The following FBXL13 variants were observed in gnomAD, a reference collection of about 807,000 sequenced individuals.
FBXL13 encodes F-box and leucine rich repeat protein 13, also known as F-box and leucine-rich repeat protein 13.
Under a neutral mutation model 83.6 loss-of-function variants are expected in FBXL13, and 67 were observed. The observed-to-expected ratio is 0.80, with a 90% CI of 0.66 to 0.98. The LOEUF is 0.98. FBXL13 is among the 50% of genes least tolerant of loss of function. The pLI, the probability that FBXL13 is intolerant of heterozygous loss-of-function variation, is 0.00. For synonymous variants in FBXL13, 272 were observed against 299.5 expected (o/e 0.91, Z 0.95); for missense variants, 822 against 866.5 (o/e 0.95, Z 0.64).
intron 6 of FBXL13, among the ~76,000 whole-genome samples, chr7:103,002,766 T>C (rs1790538068): frequency 6.6e-6 from 1 of 152,242 alleles, no homozygotes; most frequent in Non-Finnish European, 1.5e-5. Context: ...CACTGTTTGC[T>C]GTTTCCAGAC....
At chr7:103,074,621 G>A (rs997236134), upstream of FBXL13, 4 of 1,257,810 alleles carry the variant, frequency 3.2e-6, no homozygotes, top group Admixed American at 9.3e-5. Flanking sequence ...CCCTCCTCCG[G>A]GAAGTCTTTC....
intron 2 of FBXL13, among the ~76,000 whole-genome samples, chr7:103,035,390 A>G (rs1794972268): frequency 6.6e-6 from 1 of 152,244 alleles, no homozygotes; most frequent in African/African-American, 2.4e-5. Context: ...AGAGGCAGTG[A>G]AATCTGGGAT....
chr7:102,991,017 A>T (rs1829505483), intron 6 of FBXL13, among the ~76,000 whole-genome samples: 1 of 152,224 alleles, frequency 6.6e-6, no homozygotes, highest in African/African-American at 2.4e-5. Context: ...TGGTGGACAA[A>T]TGAAAAATAA....
chr7:102,890,503 C>A (rs191850904), intron 11 of FBXL13, among the ~76,000 whole-genome samples: 1 of 152,324 alleles, frequency 6.6e-6, no homozygotes, highest in African/African-American at 2.4e-5. Flanking sequence ...GGCAGAAAAG[C>A]TTTGGTGATC....
intron 16 of FBXL13, among the ~76,000 whole-genome samples, chr7:102,855,664 C>G (rs554419234): frequency 4.6e-4 from 69 of 151,458 alleles, no homozygotes; most frequent in African/African-American, 1.6e-3. Flanking sequence ...CACCCCTCAC[C>G]TGCCGCCATT....
At chr7:102,994,497 T>C (rs773251448) in intron 6 of FBXL13, among the ~76,000 whole-genome samples, 2 of 152,076 alleles carry the variant, frequency 1.3e-5, no homozygotes, top group Non-Finnish European at 2.9e-5. Flanking sequence ...CCCTCAGTTT[T>C]GTAGTTGTCT....
intron 6 of FBXL13, among the ~76,000 whole-genome samples, chr7:103,007,327 G>T (rs1337068097): frequency 6.6e-6 from 1 of 150,950 alleles, no homozygotes; most frequent in East Asian, 1.9e-4. Flanking sequence ...GATAAAGAGA[G>T]AAATCTTAAA....
chr7:103,073,307 T>C (rs1315168333), intron 1 of FBXL13, among the ~76,000 whole-genome samples: 3 of 152,172 alleles, frequency 2.0e-5, no homozygotes, highest in African/African-American at 4.8e-5. Context: ...ACTTGCACTT[T>C]TTCTTTTTTA....
chr7:102,903,947 T>TTATTTA (rs1813350020), intron 11 of FBXL13, among the ~76,000 whole-genome samples: 1 of 142,924 alleles, frequency 7.0e-6, no homozygotes. Flanking sequence ...TTCTTTTTTT[T>TTATTTA]TTTTTTTTTT....
At chr7:102,929,298 A>G (rs535936960) in intron 9 of FBXL13, among the ~76,000 whole-genome samples, 1 of 152,208 alleles carries the variant, frequency 6.6e-6, no homozygotes, top group African/African-American at 2.4e-5. Flanking sequence ...ATATGTAAAC[A>G]TAAGTGTAAT....
chr7:103,038,775 A>G (rs1795348820), intron 2 of FBXL13, among the ~76,000 whole-genome samples: 1 of 152,232 alleles, frequency 6.6e-6, no homozygotes, highest in Non-Finnish European at 1.5e-5. Flanking sequence ...TATCATGAAC[A>G]TCAACAAAAA....
chr7:102,924,802 G>A (rs532232507), intron 10 of FBXL13, among the ~76,000 whole-genome samples: 4 of 151,686 alleles, frequency 2.6e-5, no homozygotes, highest in South Asian at 4.2e-4. Context: ...CACCGCACCC[G>A]GCTAATTTTT....
At position 102,863,729 on chromosome 7, in the gene FBXL13, A is replaced by G. The variant is rs987603264; in HGVS notation, c.1636-8869T>C. ...TAGTTTAGAGAGATGTGCTAGTACT[A>G]GTATTAAACATGTCCAAAATGGAAT... On this transcript the variant is annotated intron_variant, in intron 16 of 19. Transcript: ENST00000313221. Among the ~76,000 whole-genome samples, 8 of 152,290 alleles carry G rather than the reference A, an allele frequency of 5.3e-5. No individual in the cohort carries two copies. The South Asian group carries it at 1.0e-3, about 20-fold the overall frequency.
chr7:102,935,760 T>C lies in FBXL13; in HGVS notation c.725-3827A>G, dbSNP rs574795405. ...ATGTCTATATGTTTCATTTCTGGCATGGTTTAATAATTTATTTGTAATATT... is the reference window on the plus strand; with the variant it reads ...ATGTCTATATGTTTCATTTCTGGCACGGTTTAATAATTTATTTGTAATATT... On this transcript the variant is annotated intron_variant, in intron 8 of 19. Transcript: ENST00000313221. 3.9e-5 allele frequency among the ~76,000 whole-genome samples: 6 copies of C among 152,330 alleles called. No homozygotes were observed. The South Asian group carries it at 1.2e-3, about 32-fold the overall frequency.
intron 6 of FBXL13, among the ~76,000 whole-genome samples, chr7:102,974,023 G>T (rs530329439): frequency 2.0e-5 from 3 of 151,990 alleles, no homozygotes; most frequent in African/African-American, 7.3e-5. Flanking sequence ...CTGTTTTCCC[G>T]AGCCTACCCT....
chr7:102,933,880 A>G (rs1472153923), intron 8 of FBXL13: 1 of 1,553,928 alleles, frequency 6.4e-7, no homozygotes, highest in Non-Finnish European at 8.7e-7. Flanking sequence ...TTCCGTCTGT[A>G]ACACGAAGTA....
At chr7:103,074,159 T>C in intron 1 of FBXL13, 1 of 884,772 alleles carries the variant, frequency 1.1e-6, no homozygotes, top group Non-Finnish European at 1.4e-6. Context: ...CTGACTACAC[T>C]GACCAAAGGT....
At chr7:102,934,422 A>G in intron 8 of FBXL13, 1 of 1,614,180 alleles carries the variant, frequency 6.2e-7, no homozygotes, top group South Asian at 1.1e-5. Flanking sequence ...TGTACTTGTG[A>G]GATAGAAACG....
chr7:102,827,872 T>A (rs1482772793), intron 18 of FBXL13, among the ~76,000 whole-genome samples: 1 of 152,156 alleles, frequency 6.6e-6, no homozygotes, highest in Non-Finnish European at 1.5e-5. Flanking sequence ...TTGTCAGGTT[T>A]GTCAAAGATC....
Sources: gnomAD v4.1 joint callset for allele counts (sites outside exome capture counted in the v4.1 genomes callset) on GRCh38, gnomAD v4.1.1 for gene constraint, MANE v1.5 for transcripts, NCBI Gene and HGNC (gene_info 2026-07-23, HGNC 2026-07-21) for gene names.